The following AP3B1 variants were observed in gnomAD, a reference collection of about 807,000 sequenced individuals.
The protein encoded by AP3B1 is adaptor related protein complex 3 subunit beta 1.
Under a neutral mutation model 132.5 loss-of-function variants are expected in AP3B1, and 61 were observed. That is an observed-to-expected ratio of 0.46 (90% CI 0.37 to 0.57). The LOEUF (loss-of-function observed/expected upper bound fraction) is 0.57, where lower values mean the gene tolerates loss of function less well. AP3B1 is among the 20% of genes least tolerant of loss of function. The pLI, the probability that AP3B1 is intolerant of heterozygous loss-of-function variation, is 0.00. For synonymous variants in AP3B1, 388 were observed against 438.3 expected, an observed-to-expected ratio of 0.89 and a Z score of 1.43; for missense variants, 1,120 against 1,289.4, an observed-to-expected ratio of 0.87 and a Z score of 2.01.
chr5:78,089,707 A>G (rs1419036178), intron 21 of AP3B1, among the ~76,000 whole-genome samples: 3 of 152,230 alleles, frequency 2.0e-5, no homozygotes, highest in South Asian at 4.1e-4. Flanking sequence ...GGCAAATCCT[A>G]TAACAAAATA....
intron 21 of AP3B1, among the ~76,000 whole-genome samples, chr5:78,090,523 G>A (rs973007860): frequency 6.6e-6 from 1 of 152,170 alleles, no homozygotes; most frequent in Non-Finnish European, 1.5e-5. Context: ...CCCTTTAAAA[G>A]GAAAACACTC....
chr5:78,269,393 C>T (rs1226649757), intron 1 of AP3B1, among the ~76,000 whole-genome samples: 2 of 152,088 alleles, frequency 1.3e-5, no homozygotes, highest in Non-Finnish European at 2.9e-5. Context: ...TTTCAAAGGA[C>T]AGAGAAGAAT....
downstream of AP3B1, chr5:78,001,747 T>G (rs1465209311): frequency 1.3e-5 from 2 of 152,230 alleles, no homozygotes; most frequent in Non-Finnish European, 2.9e-5. Flanking sequence ...TGTATGTGGC[T>G]CTATACAAAA....
rs567324878 is a variant in AP3B1, at chr5:78,057,678, G to GATTTACTTAAATCACAGTAAATCATT, written c.2578-18430_2578-18405dup. ...CACAGAACTCACTTGTTTATTCTAT[G>GATTTACTTAAATCACAGTAAATCATT]ATTTACTTAAATCACAGTAAATCAT... On this transcript the variant is annotated intron_variant, in intron 22 of 26. Coordinates refer to ENST00000255194, the MANE Select transcript of AP3B1 (RefSeq NM_003664.5). 4.2e-3 allele frequency among the ~76,000 whole-genome samples: 642 copies of GATTTACTTAAATCACAGTAAATCATT among 152,086 alleles called. 3 individuals are homozygous for GATTTACTTAAATCACAGTAAATCATT. Among genetic ancestry groups the GATTTACTTAAATCACAGTAAATCATT allele is most frequent in the Non-Finnish European group, 7.3e-3 (499 of 67,974 alleles).
chr5:78,085,652 A>C (rs531141926), intron 22 of AP3B1, among the ~76,000 whole-genome samples: 4 of 152,270 alleles, frequency 2.6e-5, no homozygotes, highest in Non-Finnish European at 5.9e-5. Context: ...TTTGTTTTAA[A>C]AAGTTATCAT....
chr5:78,223,668 T>C (rs1483920140), intron 6 of AP3B1, among the ~76,000 whole-genome samples: 2 of 152,214 alleles, frequency 1.3e-5, no homozygotes, highest in African/African-American at 2.4e-5. Flanking sequence ...TCCCATGTGG[T>C]GTTAGGCACT....
intron 20 of AP3B1, among the ~76,000 whole-genome samples, chr5:78,108,284 T>C (rs1370248097): frequency 6.6e-6 from 1 of 152,234 alleles, no homozygotes; most frequent in Non-Finnish European, 1.5e-5. Context: ...TTACTCATAA[T>C]TTAGGGCAGA....
chr5:78,002,122 T>C (rs1043376241), downstream of AP3B1: 5 of 152,874 alleles, frequency 3.3e-5, no homozygotes, highest in African/African-American at 1.2e-4. Flanking sequence ...TTGTTTTTGT[T>C]ATTAAATACA....
At chr5:78,158,098 T>G (rs1049324002) in intron 13 of AP3B1, among the ~76,000 whole-genome samples, 8 of 152,182 alleles carry the variant, frequency 5.3e-5, no homozygotes, top group Admixed American at 1.3e-4. Flanking sequence ...TTTAAGAATA[T>G]AAACAAAATT....
intron 13 of AP3B1, among the ~76,000 whole-genome samples, chr5:78,159,726 T>C (rs1244944942): frequency 3.9e-5 from 6 of 152,226 alleles, no homozygotes; most frequent in African/African-American, 7.2e-5. Context: ...TCACAGGTTC[T>C]GGGCATCTTT....
At chr5:78,241,708 C>T (rs974374107) in intron 2 of AP3B1, among the ~76,000 whole-genome samples, 5 of 152,152 alleles carry the variant, frequency 3.3e-5, no homozygotes, top group Admixed American at 2.6e-4. Context: ...TTTCATTCAC[C>T]GTTAGGACTA....
chr5:78,059,926 G>T (rs1748972457), intron 22 of AP3B1, among the ~76,000 whole-genome samples: 2 of 152,066 alleles, frequency 1.3e-5, no homozygotes, highest in Non-Finnish European at 2.9e-5. Flanking sequence ...ATTAGAAGTA[G>T]TAGTGATAGA....
chr5:78,283,087 T>G (rs187972280), intron 1 of AP3B1, among the ~76,000 whole-genome samples: 4 of 152,240 alleles, frequency 2.6e-5, no homozygotes, highest in African/African-American at 9.6e-5. Flanking sequence ...ATGTTTATTA[T>G]GTACCAGGCA....
intron 13 of AP3B1, among the ~76,000 whole-genome samples, chr5:78,160,510 C>T (rs1024296564): frequency 2.0e-5 from 3 of 152,032 alleles, no homozygotes; most frequent in Non-Finnish European, 4.4e-5. Context: ...CTTAACAACA[C>T]ACACACAAAA....
chr5:78,019,464 C>T (rs765971716), intron 25 of AP3B1, among the ~76,000 whole-genome samples: 1 of 152,136 alleles, frequency 6.6e-6, no homozygotes, highest in Non-Finnish European at 1.5e-5. Context: ...GTGTGCCACT[C>T]ACCTTGGTTT....
intron 7 of AP3B1, among the ~76,000 whole-genome samples, chr5:78,188,233 G>A (rs1744683830): frequency 6.6e-6 from 1 of 152,168 alleles, no homozygotes; most frequent in African/African-American, 2.4e-5. Context: ...ATTGACAAAT[G>A]GGATCTAATT....
chr5:78,063,604 A>C (rs530095195), intron 22 of AP3B1, among the ~76,000 whole-genome samples: 1 of 152,332 alleles, frequency 6.6e-6, no homozygotes, highest in South Asian at 2.1e-4. Flanking sequence ...ATTTGATTGA[A>C]TGCAGGATCC....
At chr5:78,153,449 G>A (rs1742981052) in intron 14 of AP3B1, among the ~76,000 whole-genome samples, 1 of 151,556 alleles carries the variant, frequency 6.6e-6, no homozygotes, top group Non-Finnish European at 1.5e-5. Context: ...TATCATTATA[G>A]GTGAAGTGTG....
intron 7 of AP3B1, among the ~76,000 whole-genome samples, chr5:78,214,059 C>CA (rs1745863090): frequency 1.3e-5 from 2 of 152,300 alleles, no homozygotes; most frequent in East Asian, 3.9e-4. Flanking sequence ...GGCTGATGTG[C>CA]ACACTGGAAA....
Sources: allele counts gnomAD v4.1 joint callset (sites outside exome capture counted in the v4.1 genomes callset), GRCh38; gene constraint gnomAD v4.1.1; transcripts MANE v1.5; gene names NCBI Gene and HGNC (gene_info 2026-07-23, HGNC 2026-07-21).